PLD5: variants seen among roughly 807,000 people sequenced by gnomAD.
PLD5 encodes phospholipase D family member 5, also known as inactive phospholipase D5.
PLD5 carries 36 observed loss-of-function variants against 61.1 expected under a neutral mutation model. The ratio of observed to expected loss-of-function variants is 0.59; its 90% CI spans 0.45 to 0.78. The LOEUF (loss-of-function observed/expected upper bound fraction) is 0.78, where lower values mean the gene tolerates loss of function less well. Among genes scored for constraint, PLD5 ranks in the 30% least tolerant of loss-of-function variants. The pLI is 0.00. For synonymous variants in PLD5, 243 were observed against 242.8 expected (o/e 1.00, Z -0.01); for missense variants, 515 against 644.4 (o/e 0.80, Z 2.17).
intron 5 of PLD5, among the ~76,000 whole-genome samples, chr1:242,160,821 GT>G (rs557185574): frequency 1.5e-3 from 224 of 152,046 alleles, no homozygotes; most frequent in Non-Finnish European, 2.8e-3. Flanking sequence ...GGAGATGGAG[GT>G]TGCAGTGAGC....
intron 2 of PLD5, among the ~76,000 whole-genome samples, chr1:242,345,385 T>C (rs1238328932): frequency 6.6e-6 from 1 of 152,210 alleles, no homozygotes; most frequent in Non-Finnish European, 1.5e-5. Context: ...TGGAGTTGCT[T>C]GCTGGCAGGT....
intron 5 of PLD5, among the ~76,000 whole-genome samples, chr1:242,161,067 A>G (rs1462712334): frequency 6.6e-6 from 1 of 152,048 alleles, no homozygotes; most frequent in Non-Finnish European, 1.5e-5. Context: ...TGCATTGTAA[A>G]TCATAAAATA....
rs1558524131 is a variant in PLD5, at chr1:242,393,568, GTGTATATATATGAGTATACATA to G, written c.190-45348_190-45327del. On this transcript the variant is annotated intron_variant, in intron 1 of 9. Coordinates refer to ENST00000536534, the MANE Select transcript of PLD5 (RefSeq NM_001372062.1). ...TATGTGTATATATATGAGTATATATGTGTATATATATGAGTATACATATGTGTATATATATGAGCATATATGT... is the reference window on the plus strand; with the variant it reads ...TATGTGTATATATATGAGTATATATGTGTGTATATATATGAGCATATATGT... Among the ~76,000 whole-genome samples, 43 of 92,374 alleles carry G rather than the reference GTGTATATATATGAGTATACATA, an allele frequency of 4.7e-4. 9 individuals carry two copies. The highest frequency in any genetic ancestry group is 2.0e-3 in the African/African-American group (41 of 20,712). 60.6% of individuals were successfully genotyped at this position (92,374 alleles called of 152,430 possible).
chr1:242,377,396 C>T, intron 1 of PLD5: 1 of 1,331,450 alleles, frequency 7.5e-7, no homozygotes, highest in Non-Finnish European at 1.1e-6. Context: ...GTTCTTCTAA[C>T]TTCCGCTTGG....
intron 3 of PLD5, among the ~76,000 whole-genome samples, chr1:242,281,281 G>T (rs1418547305): frequency 1.6e-4 from 25 of 152,178 alleles, no homozygotes; most frequent in Non-Finnish European, 3.1e-4. Flanking sequence ...GATCGCATCA[G>T]TTAGGAAGAA....
chr1:242,409,080 AG>A (rs1664404629), intron 1 of PLD5, among the ~76,000 whole-genome samples: 1 of 140,292 alleles, frequency 7.1e-6, no homozygotes, highest in African/African-American at 3.2e-5. Flanking sequence ...AAAAAAGAAA[AG>A]AAAAGAAAAG....
In PLD5 at chr1:242,501,790, T is replaced by TTTTA. The variant is rs770416059; in HGVS notation, c.189+22297_189+22298insTAAA. Among the ~76,000 whole-genome samples the TTTTA allele has an allele frequency of 1.3e-3, 191 of 147,178 alleles. 2 individuals carry two copies. Among genetic ancestry groups the TTTTA allele is most frequent in the Admixed American group, 2.1e-3 (31 of 14,716 alleles). ...AAAATTAAGATATATTAATATTCCA[T>TTTTA]TATATATATATATATATATACACTA... On this transcript the variant is annotated intron_variant, in intron 1 of 9. Coordinates refer to ENST00000536534, the MANE Select transcript of PLD5 (RefSeq NM_001372062.1).
At chr1:242,193,182 G>C (rs1668389231) in intron 5 of PLD5, among the ~76,000 whole-genome samples, 2 of 151,914 alleles carry the variant, frequency 1.3e-5, no homozygotes, top group African/African-American at 4.9e-5. Flanking sequence ...GTTCACTCAA[G>C]GCAGGAGCTA....
At chr1:242,138,710 G>A (rs556476696) in intron 5 of PLD5, among the ~76,000 whole-genome samples, 28 of 152,298 alleles carry the variant, frequency 1.8e-4, no homozygotes, top group Non-Finnish European at 2.9e-4. Context: ...ATCTGCTCAC[G>A]TGGGGCTACA....
At chr1:242,150,676 T>C (rs530420373) in intron 5 of PLD5, among the ~76,000 whole-genome samples, 184 of 151,960 alleles carry the variant, frequency 1.2e-3, no homozygotes, top group African/African-American at 4.2e-3. Flanking sequence ...AATCTTTTCA[T>C]TTTTAGCCTA....
intron 5 of PLD5, among the ~76,000 whole-genome samples, chr1:242,135,257 C>T (rs1266013554): frequency 6.6e-6 from 1 of 152,086 alleles, no homozygotes; most frequent in African/African-American, 2.4e-5. Context: ...ACAATATCTG[C>T]TATGTAGAGT....
At chr1:242,154,076 T>C (rs543798163) in intron 5 of PLD5, among the ~76,000 whole-genome samples, 78 of 152,300 alleles carry the variant, frequency 5.1e-4, no homozygotes, top group African/African-American at 1.9e-3. Context: ...CCCTTGTAAG[T>C]TGTATTCCCA....
At position 242,088,542 on chromosome 1, in the gene PLD5, C is replaced by T. The variant is rs796646984; in HGVS notation, c.*1312G>A. 3 of 152,240 alleles carry T rather than the reference C, an allele frequency of 2.0e-5. No homozygotes were observed. The highest frequency in any genetic ancestry group is 7.2e-5 in the African/African-American group (3 of 41,540). The allele number at this position is 152,240 out of a possible 1,614,324, so 9.4% of individuals were successfully genotyped here. Reference sequence around the variant, plus strand: ...GAGGTAGGTGAGTTATTACCGTCTACATTACCAAGAGAAGCCCGAGGCCAA... The same window carrying T: ...GAGGTAGGTGAGTTATTACCGTCTATATTACCAAGAGAAGCCCGAGGCCAA... On this transcript the variant is annotated 3_prime_UTR_variant, in exon 10 of 10. Transcript: ENST00000536534.
intron 4 of PLD5, among the ~76,000 whole-genome samples, chr1:242,246,369 T>C (rs2149072804): frequency 6.6e-6 from 1 of 151,798 alleles, no homozygotes; most frequent in South Asian, 2.1e-4. Flanking sequence ...CTGTCTCCAA[T>C]AAATAAATAA....
intron 2 of PLD5, among the ~76,000 whole-genome samples, chr1:242,346,189 T>C (rs1660126548): frequency 6.6e-6 from 1 of 151,154 alleles, no homozygotes. Context: ...AGAATTTAGT[T>C]ACTGATAGAA....
intron 1 of PLD5, chr1:242,449,338 C>T: frequency 6.5e-7 from 1 of 1,536,110 alleles, no homozygotes; most frequent in Middle Eastern, 1.7e-4. Flanking sequence ...CTGTAGAAAA[C>T]TCCAGAGTTT....
At position 242,439,284 on chromosome 1, in the gene PLD5, G is replaced by C. The variant is rs559132112; in HGVS notation, c.189+84804C>G. The stretch of plus-strand genomic sequence containing the variant: ...GCTTTGTTCAACAAGGTCATTCGGA[G>C]ACCGAGGCTGATGGTTATCTTTGCC... On this transcript the variant is annotated intron_variant, in intron 1 of 9. Transcript: ENST00000536534. Among the ~76,000 whole-genome samples, 10 of 152,316 alleles carry C rather than the reference G, an allele frequency of 6.6e-5. No individual in the cohort carries two copies. In the South Asian group the frequency reaches 1.9e-3, roughly 28 times the overall value.
intron 1 of PLD5, among the ~76,000 whole-genome samples, chr1:242,508,225 T>C (rs924650621): frequency 1.3e-5 from 2 of 151,070 alleles, no homozygotes; most frequent in African/African-American, 2.4e-5. Flanking sequence ...AAAAAAAAAT[T>C]AGCTGGGCAT....
intron 4 of PLD5, among the ~76,000 whole-genome samples, chr1:242,233,696 A>G (rs1363123364): frequency 2.6e-5 from 4 of 152,264 alleles, no homozygotes; most frequent in African/African-American, 4.8e-5. Context: ...CAAGTAGCAT[A>G]GTGCTGGCCA....
Sources: allele counts gnomAD v4.1 joint callset (sites outside exome capture counted in the v4.1 genomes callset), GRCh38; gene constraint gnomAD v4.1.1; transcripts MANE v1.5; gene names NCBI Gene and HGNC (gene_info 2026-07-23, HGNC 2026-07-21).